DCAF8: variants seen among roughly 807,000 people sequenced by gnomAD.
The protein encoded by DCAF8 is DDB1 and CUL4 associated factor 8, also known as DDB1- and CUL4-associated factor 8.
Under a neutral mutation model 68.0 loss-of-function variants are expected in DCAF8, and 20 were observed. The ratio of observed to expected loss-of-function variants is 0.29; its 90% CI spans 0.21 to 0.43. The LOEUF is 0.43. DCAF8 is among the 20% of genes least tolerant of loss of function. DCAF8 has a pLI of 1.00. For missense variants in DCAF8, 460 were observed against 771.0 expected (o/e 0.60, Z 4.78); for synonymous variants, 230 against 276.9 (o/e 0.83, Z 1.68).
intron 10 of DCAF8, among the ~76,000 whole-genome samples, chr1:160,223,061 G>C (rs535927881): frequency 6.6e-6 from 1 of 152,220 alleles, no homozygotes; most frequent in Non-Finnish European, 1.5e-5. Context: ...TCTCTTACCT[G>C]TCCCACCCTG....
intron 7 of DCAF8, among the ~76,000 whole-genome samples, chr1:160,228,025 G>A (rs1193844850): frequency 6.6e-6 from 1 of 151,830 alleles, no homozygotes; most frequent in East Asian, 1.9e-4. Context: ...CAAGTAGTTG[G>A]GACTACAGGA....
intron 6 of DCAF8, among the ~76,000 whole-genome samples, chr1:160,235,030 G>GTTATT (rs749147795): frequency 1.3e-4 from 20 of 152,208 alleles, no homozygotes; most frequent in Admixed American, 5.9e-4. Context: ...CAGCCTTCAT[G>GTTATT]TTATATTCCC....
intron 6 of DCAF8, among the ~76,000 whole-genome samples, chr1:160,232,640 C>CA (rs768709547): frequency 0.055 from 6,620 of 120,594 alleles, 143 homozygotes; most frequent in East Asian, 0.11. Flanking sequence ...GACTCTGTCT[C>CA]AAAAAAAAAA....
chr1:160,250,762 T>A (rs1656557382), intron 2 of DCAF8, among the ~76,000 whole-genome samples: 1 of 152,208 alleles, frequency 6.6e-6, no homozygotes, highest in Non-Finnish European at 1.5e-5. Flanking sequence ...AACCCTATTG[T>A]CTTGGTGATA....
intron 3 of DCAF8, among the ~76,000 whole-genome samples, chr1:160,241,348 T>C (rs16831680): frequency 0.016 from 2,409 of 152,304 alleles, 63 homozygotes; most frequent in African/African-American, 0.049. Context: ...TTAATATAAT[T>C]CTTAGTCACA....
intron 6 of DCAF8, among the ~76,000 whole-genome samples, chr1:160,236,114 T>C (rs1341142587): frequency 6.6e-6 from 1 of 152,176 alleles, no homozygotes; most frequent in Non-Finnish European, 1.5e-5. Flanking sequence ...GTCTGTATAC[T>C]TTATTACTTG....
chr1:160,240,122 C>T lies in DCAF8; in HGVS notation c.298G>A (p.Glu100Lys), dbSNP rs1656051871. The T allele has an allele frequency of 6.2e-7, 1 of 1,613,930 alleles. No homozygotes were observed. The change falls in exon 4 of 14, where the codon GAG becomes AAG. Residue 100 changes from glutamate (E) to lysine (K), a missense_variant. Glu to Lys is a moderately conservative substitution (Grantham distance 56). Coordinates refer to ENST00000368074, the MANE Select transcript of DCAF8 (RefSeq NM_015726.4). ...NDENRVHDRS[E>K]EEEEEEEEEE... ...TCTTCTTCCTCCTCTTCCTCTTCCT[C>T]TGAGCGGTCATGGACTCGATTTTCA...
rs949152327 is a variant in DCAF8, at chr1:160,238,616, C to T, written c.855G>A (p.Ala285=). The change falls in exon 5 of 14, where the codon GCG becomes GCA. Residue 285 remains alanine, a synonymous_variant. Coordinates refer to ENST00000368074, the MANE Select transcript of DCAF8 (RefSeq NM_015726.4). ...NTKRVAQHKG[A]SHKLALEPDS... ...GCAAGGTCTTACTTACCTTGTGGGA[C>T]GCTCCCTTGTGCTGGGCCACACGTT... is the stretch of plus-strand genomic sequence containing the variant. 18 of 1,602,266 alleles carry T rather than the reference C, an allele frequency of 1.1e-5. No homozygotes were observed. Among genetic ancestry groups the T allele is most frequent in the African/African-American group, 8.1e-5 (6 of 74,196 alleles).
chr1:160,227,377 G>A (rs775460223), intron 7 of DCAF8, among the ~76,000 whole-genome samples: 11 of 152,134 alleles, frequency 7.2e-5, no homozygotes, highest in Non-Finnish European at 1.2e-4. Flanking sequence ...CGATCCTCCC[G>A]CCTCAACCTG....
rs546029664 is a variant in DCAF8, at chr1:160,222,373, TAG to T, written c.1440+276_1440+277del. On this transcript the variant is annotated intron_variant, in intron 11 of 13. Coordinates refer to ENST00000368074, the MANE Select transcript of DCAF8 (RefSeq NM_015726.4). The stretch of plus-strand genomic sequence containing the variant: ...TTTTCATTTGGAAAAGGTGCACGTC[TAG>T]AGATAAGTTACATCACTCAGGACAG... Among the ~76,000 whole-genome samples, 514 of 152,322 alleles carry T rather than the reference TAG, an allele frequency of 3.4e-3. 4 individuals carry two copies. Among genetic ancestry groups the T allele is most frequent in the African/African-American group, 0.012 (486 of 41,574 alleles).
chr1:160,231,459 G>A, intron 6 of DCAF8, 52 bp from the exon 7 acceptor site: 1 of 1,399,374 alleles, frequency 7.1e-7, no homozygotes. Flanking sequence ...GATCCAAATG[G>A]TCATGGCAAA....
In DCAF8 at chr1:160,240,367, C is replaced by T. The variant is rs1319784298; in HGVS notation, c.53G>A (p.Ser18Asn). The T allele has an allele frequency of 1.2e-6, 2 of 1,605,228 alleles. No homozygotes were observed. The highest frequency in any genetic ancestry group is 1.7e-6 in the Non-Finnish European group (2 of 1,174,920). ...CATCTCCTCTGGACTGCTAGACAGG[C>T]TTCCTGCATGTTAGTGAGGAAGGAG... ...TDGRTDLANG[S>N]LSSSPEEMSG... The change falls in exon 4 of 14, where the codon AGC becomes AAC. Residue 18 changes from serine (S) to asparagine (N), a missense_variant. Ser to Asn is a conservative substitution (Grantham distance 46, BLOSUM62 1). Transcript: ENST00000368074.
intron 7 of DCAF8, among the ~76,000 whole-genome samples, chr1:160,227,025 T>C (rs1009108198): frequency 1.1e-4 from 16 of 152,198 alleles, no homozygotes; most frequent in Admixed American, 2.6e-4. Flanking sequence ...CTCTGGCCTG[T>C]TTCAGAATAT....
At chr1:160,243,424 TA>T (rs1553197205) in intron 3 of DCAF8, among the ~76,000 whole-genome samples, 2 of 146,688 alleles carry the variant, frequency 1.4e-5, no homozygotes, top group African/African-American at 5.1e-5. Context: ...TTTTTTTTTT[TA>T]AAAAGACGGG....
At chr1:160,240,931 G>A (rs1332107785) in intron 3 of DCAF8, among the ~76,000 whole-genome samples, 2 of 152,118 alleles carry the variant, frequency 1.3e-5, no homozygotes, top group Non-Finnish European at 2.9e-5. Flanking sequence ...TTGGGAGGCC[G>A]AGGCACGTGG....
At chr1:160,239,172 G>A (rs1051955070) in intron 4 of DCAF8, 24 of 1,070,468 alleles carry the variant, frequency 2.2e-5, no homozygotes, top group Non-Finnish European at 2.7e-5. Context: ...TACCAGTACA[G>A]TAGATGGGGC....
At chr1:160,247,381 T>C (rs926000793) in intron 2 of DCAF8, among the ~76,000 whole-genome samples, 1 of 152,188 alleles carries the variant, frequency 6.6e-6, no homozygotes, top group African/African-American at 2.4e-5. Context: ...CCTTAAATTT[T>C]TAACCAATTA....
chr1:160,259,905 A>G (rs1185221915), intron 2 of DCAF8, among the ~76,000 whole-genome samples: 1 of 152,072 alleles, frequency 6.6e-6, no homozygotes, highest in Non-Finnish European at 1.5e-5. Flanking sequence ...CTGGTTATGA[A>G]CCCCCACCAA....
intron 11 of DCAF8, chr1:160,219,633 G>A (rs1402541051): frequency 1.3e-5 from 2 of 152,250 alleles, no homozygotes; most frequent in Non-Finnish European, 2.9e-5. Context: ...AAACCAAGCA[G>A]CTTCTTGGGG....
Sources: allele counts gnomAD v4.1 joint callset (sites outside exome capture counted in the v4.1 genomes callset), GRCh38; gene constraint gnomAD v4.1.1; transcripts MANE v1.5; gene names NCBI Gene and HGNC (gene_info 2026-07-23, HGNC 2026-07-21).